The following PAPPA variants were observed in gnomAD, a reference collection of about 807,000 sequenced individuals.
PAPPA encodes pappalysin 1.
Under a neutral mutation model 164.0 loss-of-function variants are expected in PAPPA, and 60 were observed. The ratio of observed to expected loss-of-function variants is 0.37; its 90% CI spans 0.30 to 0.45. PAPPA has a LOEUF of 0.45. Among genes scored for constraint, PAPPA ranks in the 20% least tolerant of loss-of-function variants. PAPPA has a pLI of 1.00. For missense variants in PAPPA, 1,782 were observed against 2,087.3 expected (o/e 0.85, Z 2.85); for synonymous variants, 875 against 814.1 (o/e 1.07, Z -1.27).
chr9:116,225,141 G>A (rs1844490425), intron 5 of PAPPA, among the ~76,000 whole-genome samples: 1 of 152,172 alleles, frequency 6.6e-6, no homozygotes, highest in Non-Finnish European at 1.5e-5. Context: ...AATAATGAAT[G>A]ACCATCAAGG....
rs552987159 is a variant in PAPPA at position 116,274,748 on chromosome 9, C to T, written c.2953+3332C>T. On this transcript the variant is annotated intron_variant, in intron 9 of 21. Transcript: ENST00000328252. The stretch of plus-strand genomic sequence containing the variant: ...ATTATTCTAATAAGGAAGAGCCCAA[C>T]GCTTAGTATAGAAGTTGATTATCCA... Among the ~76,000 whole-genome samples, 331 of 152,302 alleles carry T rather than the reference C, an allele frequency of 2.2e-3. 1 individual carries two copies. Among genetic ancestry groups the T allele is most frequent in the Non-Finnish European group, 3.4e-3 (233 of 68,022 alleles).
At position 116,300,969 on chromosome 9, in the gene PAPPA, A is replaced by C. The variant is rs73514251; in HGVS notation, c.2954-1788A>C. 9.6e-3 allele frequency among the ~76,000 whole-genome samples: 1,459 copies of C among 152,092 alleles called. 21 individuals are homozygous for C. Among genetic ancestry groups the C allele is most frequent in the African/African-American group, 0.034 (1,403 of 41,464 alleles). On this transcript the variant is annotated intron_variant, in intron 9 of 21. Coordinates refer to ENST00000328252, the MANE Select transcript of PAPPA (RefSeq NM_002581.5). ...TCCTGGTTGGGACTATAATTTCTACATTACAGACTGGGGACAGGGGGAAGA... is the reference window on the plus strand; with the variant it reads ...TCCTGGTTGGGACTATAATTTCTACCTTACAGACTGGGGACAGGGGGAAGA...
At chr9:116,248,764 G>C (rs928336573) in intron 7 of PAPPA, among the ~76,000 whole-genome samples, 2 of 152,062 alleles carry the variant, frequency 1.3e-5, no homozygotes, top group African/African-American at 4.8e-5. Flanking sequence ...TCATGTAGAT[G>C]GTCAATAAAT....
chr9:116,265,299 T>C (rs1448579541), intron 7 of PAPPA, among the ~76,000 whole-genome samples: 1 of 152,094 alleles, frequency 6.6e-6, no homozygotes, highest in African/African-American at 2.4e-5. Context: ...CTGCTATTAT[T>C]ATTATTATTT....
rs1390604891 is a variant in PAPPA at position 116,154,085 on chromosome 9, G to C, written c.-88G>C. On this transcript the variant is annotated 5_prime_UTR_variant, in exon 1 of 22. Transcript: ENST00000328252. The surrounding 1 kb of genome is among the most constrained non-coding windows in gnomAD (Gnocchi z 5.2). ...GCTCGCCCAAGAAGGGTGAAGAAGC[G>C]AAGAAAGTCGAGGCGCCGAGGCTCC... The C allele has an allele frequency of 2.6e-6, 3 of 1,140,068 alleles. No homozygotes were observed. Among genetic ancestry groups the C allele is most frequent in the Non-Finnish European group, 3.3e-6 (3 of 920,992 alleles). The allele number at this position is 1,140,068 out of a possible 1,614,324, so 70.6% of individuals were successfully genotyped here.
chr9:116,329,230 AGAAAATTCAGACCTG>A (rs1199838905), intron 10 of PAPPA, among the ~76,000 whole-genome samples: 1 of 152,230 alleles, frequency 6.6e-6, no homozygotes, highest in African/African-American at 2.4e-5. Context: ...GGGCTGTCAT[AGAAAATTCAGACCTG>A]GTCCCGTTCA....
At chr9:116,339,296 T>G (rs1419120543) in intron 13 of PAPPA, among the ~76,000 whole-genome samples, 1 of 152,172 alleles carries the variant, frequency 6.6e-6, no homozygotes, top group Non-Finnish European at 1.5e-5. Flanking sequence ...TCCATCCTAC[T>G]AGGCAACCTT....
At chr9:116,367,474 G>A (rs796519868) in intron 18 of PAPPA, among the ~76,000 whole-genome samples, 171 bp from the exon 19 acceptor site, 9 of 152,332 alleles carry the variant, frequency 5.9e-5, no homozygotes, top group African/African-American at 2.2e-4. Flanking sequence ...ATGGAGTCAG[G>A]GAGAACAGAG....
At chr9:116,205,575 A>G (rs1430729757) in intron 2 of PAPPA, among the ~76,000 whole-genome samples, 1 of 152,130 alleles carries the variant, frequency 6.6e-6, no homozygotes, top group Non-Finnish European at 1.5e-5. Flanking sequence ...CTTGGAAATG[A>G]GGGTGAGGTT....
At chr9:116,249,308 A>G (rs1413922773) in intron 7 of PAPPA, among the ~76,000 whole-genome samples, 1 of 152,204 alleles carries the variant, frequency 6.6e-6, no homozygotes, top group East Asian at 1.9e-4. Flanking sequence ...AAATTTAGCC[A>G]GGGAAGGAAA....
intron 9 of PAPPA, among the ~76,000 whole-genome samples, chr9:116,283,945 T>C (rs547152323): frequency 6.6e-6 from 1 of 152,180 alleles, no homozygotes; most frequent in Non-Finnish European, 1.5e-5. Flanking sequence ...TCAGGGTTCA[T>C]CCCCCAAATA....
intron 17 of PAPPA, among the ~76,000 whole-genome samples, chr9:116,360,303 G>T (rs955811025): frequency 1.3e-5 from 2 of 152,176 alleles, no homozygotes; most frequent in Non-Finnish European, 2.9e-5. Context: ...ATGAAGCTGC[G>T]TAAGTTTGCC....
At chr9:116,300,925 T>C (rs1377834414) in intron 9 of PAPPA, among the ~76,000 whole-genome samples, 1 of 152,108 alleles carries the variant, frequency 6.6e-6, no homozygotes, top group Non-Finnish European at 1.5e-5. Flanking sequence ...TAGAGTTCTA[T>C]GGTTATCCTG....
In PAPPA at chr9:116,153,840, C is replaced by T. The variant is rs887252592; in HGVS notation, c.-333C>T. The stretch of plus-strand genomic sequence containing the variant: ...TTCAGCGGATCAGTCTTAAGAGGAG[C>T]TTTTTTTTGGAGCGAGAAATCATAT... On this transcript the variant is annotated 5_prime_UTR_variant, in exon 1 of 22. Transcript: ENST00000328252. 1.3e-5 allele frequency: 2 copies of T among 156,958 alleles called. No homozygotes were observed. The highest frequency in any genetic ancestry group is 4.9e-5 in the African/African-American group (2 of 41,092). The allele number at this position is 156,958 out of a possible 1,614,324, so 9.7% of individuals were successfully genotyped here.
chr9:116,233,667 T>G (rs1322368049), intron 6 of PAPPA, among the ~76,000 whole-genome samples: 1 of 152,202 alleles, frequency 6.6e-6, no homozygotes, highest in Non-Finnish European at 1.5e-5. Context: ...GGCTTCTTTC[T>G]TTCCTTGGCT....
intron 7 of PAPPA, among the ~76,000 whole-genome samples, chr9:116,262,532 C>T (rs760580270): frequency 4.6e-5 from 7 of 152,132 alleles, no homozygotes; most frequent in Non-Finnish European, 1.0e-4. Flanking sequence ...GACAGTGGCT[C>T]TAAATTTAAG....
At chr9:116,278,760 T>C (rs762600962) in intron 9 of PAPPA, among the ~76,000 whole-genome samples, 59 of 152,172 alleles carry the variant, frequency 3.9e-4, no homozygotes, top group Admixed American at 3.3e-4. Flanking sequence ...AATTACTACA[T>C]GGGTCTTTTT....
At chr9:116,225,806 T>TATCCATCCATCCATCC (rs376275323) in intron 5 of PAPPA, among the ~76,000 whole-genome samples, 1 of 151,314 alleles carries the variant, frequency 6.6e-6, no homozygotes, top group African/African-American at 2.4e-5. Context: ...AAGTGACTGG[T>TATCCATCCATCCATCC]ATCCATCCAT....
intron 7 of PAPPA, among the ~76,000 whole-genome samples, chr9:116,250,510 A>G (rs1209024756): frequency 6.6e-6 from 1 of 152,188 alleles, no homozygotes; most frequent in Non-Finnish European, 1.5e-5. Context: ...ACAATGAGAA[A>G]CTTGGAGTAA....
Sources: allele counts gnomAD v4.1 joint callset (sites outside exome capture counted in the v4.1 genomes callset), GRCh38; gene constraint gnomAD v4.1.1; non-coding constraint Gnocchi (gnomAD v3.1); transcripts MANE v1.5; gene names NCBI Gene and HGNC (gene_info 2026-07-23, HGNC 2026-07-21).